FAM161A: variants seen among roughly 807,000 people sequenced by gnomAD.
The protein encoded by FAM161A is protein FAM161A.
Under a neutral mutation model 70.9 loss-of-function variants are expected in FAM161A, and 57 were observed. The observed-to-expected ratio is 0.80, with a 90% CI of 0.65 to 1.00. The LOEUF (loss-of-function observed/expected upper bound fraction) is 1.00. Among genes scored for constraint, FAM161A ranks in the 50% least tolerant of loss-of-function variants. The probability of loss-of-function intolerance (pLI) is 0.00; values close to 1 mark genes in which losing one functional copy is unlikely to be tolerated. For synonymous variants in FAM161A, 299 were observed against 295.7 expected, an observed-to-expected ratio of 1.01 and a Z score of -0.12; for missense variants, 880 against 836.0, an observed-to-expected ratio of 1.05 and a Z score of -0.65.
At position 61,826,259 on chromosome 2, in the gene FAM161A, T is replaced by C; in HGVS notation, c.*196A>G. The C allele has an allele frequency of 1.4e-6, 1 of 706,102 alleles. No individual in the cohort carries two copies. Among genetic ancestry groups the C allele is most frequent in the South Asian group, 1.5e-5 (1 of 66,816 alleles). 43.7% of individuals were successfully genotyped at this position (706,102 alleles called of 1,614,324 possible). A position where few individuals can be genotyped will look rare whatever the true frequency, so the allele number is the denominator to read the frequency against. ...GATAATACACAATGATTTTTAAAAC[T>C]GAATAGGCAAAGCCTTACTCTAACT... On this transcript the variant is annotated 3_prime_UTR_variant, in exon 7 of 7. Transcript: ENST00000404929.
chr2:61,840,341 T>G lies in FAM161A; in HGVS notation c.663A>C (p.Ala221=). 1 of 1,614,112 alleles carries G rather than the reference T, an allele frequency of 6.2e-7. No homozygotes were observed. Residue 221 remains alanine (A), a synonymous_variant, in exon 3 of 7, where the codon GCA becomes GCC. Coordinates refer to ENST00000404929, the MANE Select transcript of FAM161A (RefSeq NM_001201543.2). ...TTCGTTTCTTCCTTCTTTTTTCAGC[T>G]GCATGGAAGCCAGTATCTTTACAGC... ...YIRCKDTGFH[A]AEKRRKKRKE...
chr2:61,830,398 A>G (rs1312188534), intron 5 of FAM161A, among the ~76,000 whole-genome samples: 1 of 151,984 alleles, frequency 6.6e-6, no homozygotes, highest in East Asian at 1.9e-4. Flanking sequence ...TGAGAACAGT[A>G]GGCCAGGCAC....
At chr2:61,853,351 AC>A (rs559834259) in intron 1 of FAM161A, among the ~76,000 whole-genome samples, 269 of 152,292 alleles carry the variant, frequency 1.8e-3, no homozygotes, top group Non-Finnish European at 3.0e-3. Context: ...TGTTTAGGAA[AC>A]ACTGAAACCT....
intron 1 of FAM161A, among the ~76,000 whole-genome samples, chr2:61,845,900 C>T (rs1673191189): frequency 6.6e-6 from 1 of 151,898 alleles, no homozygotes; most frequent in Non-Finnish European, 1.5e-5. Context: ...ACCAGCCTGG[C>T]CAACATGGTG....
chr2:61,811,303 T>A, the FAM161A span, among the ~76,000 whole-genome samples: 1 of 152,148 alleles, frequency 6.6e-6, no homozygotes, highest in Admixed American at 6.6e-5. Flanking sequence ...GCTCAAGCAA[T>A]CCTCCCACCT....
the FAM161A span, among the ~76,000 whole-genome samples, chr2:61,818,811 G>T: frequency 1.3e-5 from 2 of 152,204 alleles, no homozygotes; most frequent in Non-Finnish European, 2.9e-5. Flanking sequence ...GGTAAAATGT[G>T]TTGGGGAACA....
At chr2:61,805,796 A>C in the FAM161A span, among the ~76,000 whole-genome samples, 1 of 152,144 alleles carries the variant, frequency 6.6e-6, no homozygotes, top group Admixed American at 6.5e-5. Flanking sequence ...GGTTCTGGGC[A>C]ATGCAAAAAC....
chr2:61,817,204 T>C, the FAM161A span, among the ~76,000 whole-genome samples: 33 of 152,176 alleles, frequency 2.2e-4, no homozygotes, highest in Non-Finnish European at 3.5e-4. Flanking sequence ...TCAGGTTGTG[T>C]GTGCCCTGTG....
the FAM161A span, among the ~76,000 whole-genome samples, chr2:61,800,775 G>A: frequency 6.6e-6 from 1 of 152,150 alleles, no homozygotes; most frequent in Non-Finnish European, 1.5e-5. Flanking sequence ...GGCATAAAAT[G>A]TGTCTTAAAG....
rs190458510 is a variant in FAM161A at position 61,827,500 on chromosome 2, C to T, written c.1852-242G>A. ...TGGTGGCCGCCTGTAGTCCCAGCTA[C>T]TCGGGAGGCTGAGGCAGGAGAATGG... On this transcript the variant is annotated intron_variant, in intron 5 of 6. Transcript: ENST00000404929. Among the ~76,000 whole-genome samples, 753 of 151,156 alleles carry T rather than the reference C, an allele frequency of 5.0e-3. 3 individuals carry two copies. The highest frequency in any genetic ancestry group is 0.018 in the African/African-American group (733 of 41,162).
intron 1 of FAM161A, among the ~76,000 whole-genome samples, chr2:61,843,620 A>C (rs545053912): frequency 6.6e-6 from 1 of 152,350 alleles, no homozygotes; most frequent in Non-Finnish European, 1.5e-5. Context: ...TTTGCTACAG[A>C]AAATTATAGA....
intron 3 of FAM161A, 32 bp downstream of exon 3, chr2:61,839,389 G>T: frequency 6.2e-7 from 1 of 1,607,672 alleles, no homozygotes; most frequent in Non-Finnish European, 8.5e-7. Context: ...TGGCAACCAT[G>T]AGTCAGTCAG....
At chr2:61,847,719 C>G (rs1311980158) in intron 1 of FAM161A, among the ~76,000 whole-genome samples, 4 of 152,098 alleles carry the variant, frequency 2.6e-5, no homozygotes, top group Admixed American at 2.6e-4. Context: ...CTGCAGTGAG[C>G]TATGATGGAG....
chr2:61,845,057 T>C (rs530916157), intron 1 of FAM161A, among the ~76,000 whole-genome samples: 1 of 152,286 alleles, frequency 6.6e-6, no homozygotes, highest in East Asian at 1.9e-4. Flanking sequence ...GTGAGAAGGC[T>C]GGGCTGGAGA....
rs766719025 is a variant in FAM161A, at chr2:61,853,861, A to C, written c.181T>G (p.Ser61Ala). The C allele has an allele frequency of 1.9e-6, 3 of 1,613,866 alleles. No homozygotes were observed. The highest frequency in any genetic ancestry group is 1.7e-6 in the Non-Finnish European group (2 of 1,179,782). Residue 61 changes from serine to alanine, a missense_variant and splice_region_variant, in exon 1 of 7, where the codon TCG becomes GCG. Coordinates refer to ENST00000404929, the MANE Select transcript of FAM161A (RefSeq NM_001201543.2). ...CCCAAGTCCCGCCCCAGTATTACCG[A>C]TGCCCCAGCGGGCTGAGCCACTTTC... ...EEKVAQPAGA[S>A]ADLNTSFSGV...
intron 1 of FAM161A, among the ~76,000 whole-genome samples, chr2:61,850,031 T>C (rs1465377456): frequency 6.6e-6 from 1 of 152,110 alleles, no homozygotes; most frequent in East Asian, 1.9e-4. Flanking sequence ...GGTACCATGC[T>C]CACTACCTGG....
chr2:61,821,557 T>G (rs1489864626), downstream of FAM161A, among the ~76,000 whole-genome samples: 1 of 152,096 alleles, frequency 6.6e-6, no homozygotes, highest in Non-Finnish European at 1.5e-5. Context: ...TATTTTTCAT[T>G]TATTCAGTCT....
At chr2:61,801,370 G>A in the FAM161A span, among the ~76,000 whole-genome samples, 271 of 151,536 alleles carry the variant, frequency 1.8e-3, 1 homozygote, top group Middle Eastern at 6.8e-3. Flanking sequence ...GGTAGCAGGC[G>A]CCTGTAATCC....
Position 61,842,281 on chromosome 2 carries a change from AT to A in FAM161A, c.262del (p.Ile88PhefsTer12), listed in dbSNP as rs2105086979. ...SYEDFVNFPD[I>X]HHSNEEYFKK... ...GAAATACTCCTCATTAGAGTGGTGA[AT>A]ATCAGGAAAGTTCACAAAGTCCTCA... On this transcript the variant is annotated frameshift_variant, in exon 2 of 7. Transcript: ENST00000404929. LOFTEE classifies it high-confidence loss of function. 1 of 1,612,682 alleles carries A rather than the reference AT, an allele frequency of 6.2e-7. No homozygotes were observed. Among genetic ancestry groups the A allele is most frequent in the Non-Finnish European group, 8.5e-7 (1 of 1,179,078 alleles).
Sources: gnomAD v4.1 joint callset for allele counts (sites outside exome capture counted in the v4.1 genomes callset) on GRCh38, gnomAD v4.1.1 for gene constraint, MANE v1.5 for transcripts, NCBI Gene and HGNC (gene_info 2026-07-23, HGNC 2026-07-21) for gene names.